RBPMS: variants seen among roughly 807,000 people sequenced by gnomAD.
RBPMS encodes the protein RNA binding protein, mRNA processing factor.
Under a neutral mutation model 26.8 loss-of-function variants are expected in RBPMS, and 7 were observed. The observed-to-expected ratio is 0.26, with a 90% confidence interval of 0.15 to 0.49. The LOEUF (loss-of-function observed/expected upper bound fraction) is 0.49, where lower values mean the gene tolerates loss of function less well. Ranked by LOEUF, RBPMS falls within the 20% of genes least tolerant of loss-of-function variation. The pLI is 0.98. For missense variants in RBPMS, 186 were observed against 250.0 expected, an observed-to-expected ratio of 0.74 and a Z score of 1.73; for synonymous variants, 96 against 93.3, an observed-to-expected ratio of 1.03 and a Z score of -0.17.
chr8:30,454,260 T>G (rs751180891), intron 1 of RBPMS, among the ~76,000 whole-genome samples: 2 of 152,256 alleles, frequency 1.3e-5, no homozygotes, highest in Non-Finnish European at 2.9e-5. Context: ...TAACGAGTAT[T>G]AACTTAGTGT....
intron 7 of RBPMS, chr8:30,561,932 C>A (rs1827522051): frequency 1.0e-6 from 1 of 985,212 alleles, no homozygotes; most frequent in Admixed American, 6.2e-5. Context: ...TTTTCCAAAT[C>A]ATTTCTCACA....
intron 6 of RBPMS, 90 bp downstream of exon 6, chr8:30,544,714 C>T (rs1825722348): frequency 6.2e-7 from 1 of 1,603,392 alleles, no homozygotes; most frequent in Non-Finnish European, 8.5e-7. Context: ...CAACTAACAC[C>T]TATCCAGCTA....
At chr8:30,566,130 C>A (rs1268673965) in intron 7 of RBPMS, 127 bp from the exon 8 acceptor site, 1 of 257,864 alleles carries the variant, frequency 3.9e-6, no homozygotes, top group Non-Finnish European at 6.1e-6. Flanking sequence ...GCAGCAGAGG[C>A]CTTTGATCTC....
chr8:30,562,418 C>T (rs894376114), intron 7 of RBPMS, among the ~76,000 whole-genome samples: 116 of 151,846 alleles, frequency 7.6e-4, no homozygotes, highest in African/African-American at 2.6e-3. Context: ...ACTCCTTCCT[C>T]GGAGCCTGTG....
intron 4 of RBPMS, among the ~76,000 whole-genome samples, chr8:30,486,209 A>G (rs1818748182): frequency 6.6e-6 from 1 of 152,030 alleles, no homozygotes; most frequent in African/African-American, 2.4e-5. Context: ...TTAGCCAGGC[A>G]TGGTGGTAGC....
At chr8:30,545,266 G>A (rs997160023) in intron 6 of RBPMS, 19 of 1,215,474 alleles carry the variant, frequency 1.6e-5, no homozygotes, top group Non-Finnish European at 1.9e-5. Flanking sequence ...GTTAAAAATA[G>A]CCTGATTTTT....
intron 4 of RBPMS, among the ~76,000 whole-genome samples, chr8:30,502,017 G>T (rs1290122602): frequency 2.0e-5 from 3 of 151,960 alleles, no homozygotes; most frequent in African/African-American, 2.4e-5. Context: ...ACTTAGCTGC[G>T]CAGGATATTG....
At chr8:30,493,045 GGCAAACCCA>G (rs1819564743) in intron 4 of RBPMS, among the ~76,000 whole-genome samples, 1 of 152,136 alleles carries the variant, frequency 6.6e-6, no homozygotes, top group East Asian at 1.9e-4. Flanking sequence ...GCTTTGTTGA[GGCAAACCCA>G]CTGTTGATTT....
chr8:30,532,750 A>T (rs951114586), intron 5 of RBPMS, among the ~76,000 whole-genome samples: 22 of 152,178 alleles, frequency 1.4e-4, no homozygotes, highest in African/African-American at 5.1e-4. Flanking sequence ...TCACCCTCCA[A>T]AGAGTTCCCA....
At chr8:30,523,233 C>T (rs1823239491) in intron 5 of RBPMS, among the ~76,000 whole-genome samples, 1 of 151,858 alleles carries the variant, frequency 6.6e-6, no homozygotes, top group African/African-American at 2.4e-5. Context: ...AAAAATTAGC[C>T]AGGCATGGTG....
At chr8:30,422,082 G>A (rs1010961019) in intron 1 of RBPMS, among the ~76,000 whole-genome samples, 1 of 151,538 alleles carries the variant, frequency 6.6e-6, no homozygotes, top group Non-Finnish European at 1.5e-5. Context: ...ATAATCTACT[G>A]TTGTTTTTCT....
intron 1 of RBPMS, among the ~76,000 whole-genome samples, chr8:30,468,065 T>C (rs1031237498): frequency 2.6e-5 from 4 of 152,146 alleles, no homozygotes; most frequent in African/African-American, 9.7e-5. Context: ...GTTCCTGCTG[T>C]TTGCTTTTTC....
intron 4 of RBPMS, among the ~76,000 whole-genome samples, chr8:30,490,807 A>T (rs11776587): frequency 6.6e-6 from 1 of 152,028 alleles, no homozygotes; most frequent in Non-Finnish European, 1.5e-5. Context: ...TAGTAATCTA[A>T]TTGCAAGGAT....
chr8:30,487,029 A>C (rs546631485), intron 4 of RBPMS, among the ~76,000 whole-genome samples: 190 of 152,298 alleles, frequency 1.2e-3, no homozygotes, highest in African/African-American at 4.5e-3. Flanking sequence ...CTCTGTTATA[A>C]ATGTAAATAG....
intron 1 of RBPMS, among the ~76,000 whole-genome samples, chr8:30,386,167 G>T (rs986975688): frequency 5.9e-5 from 9 of 152,138 alleles, no homozygotes; most frequent in African/African-American, 2.2e-4. Context: ...CACAGGTATT[G>T]GATCCTGATA....
intron 4 of RBPMS, among the ~76,000 whole-genome samples, chr8:30,486,951 C>T (rs1374013056): frequency 6.6e-6 from 1 of 152,098 alleles, no homozygotes; most frequent in Non-Finnish European, 1.5e-5. Flanking sequence ...AAAATGATAC[C>T]TCATTTGACC....
At chr8:30,507,817 G>A (rs754145628) in intron 5 of RBPMS, among the ~76,000 whole-genome samples, 36 of 152,210 alleles carry the variant, frequency 2.4e-4, no homozygotes, top group Non-Finnish European at 4.3e-4. Context: ...TATTTTTCTC[G>A]TCTGTAAAGT....
At chr8:30,483,884 C>G (rs1161437836) in intron 4 of RBPMS, among the ~76,000 whole-genome samples, 1 of 152,092 alleles carries the variant, frequency 6.6e-6, no homozygotes, top group Non-Finnish European at 1.5e-5. Flanking sequence ...CTTAGCATAA[C>G]ATTTTTGAGA....
intron 5 of RBPMS, among the ~76,000 whole-genome samples, chr8:30,510,474 T>C (rs941421463): frequency 6.6e-6 from 1 of 151,784 alleles, no homozygotes; most frequent in Admixed American, 6.6e-5. Context: ...CTAAAACTCA[T>C]TGCTAGTCTC....
Sources: gnomAD v4.1 joint callset for allele counts (sites outside exome capture counted in the v4.1 genomes callset) on GRCh38, gnomAD v4.1.1 for gene constraint, MANE v1.5 for transcripts, NCBI Gene and HGNC (gene_info 2026-07-23, HGNC 2026-07-21) for gene names.